NTM: variants seen among roughly 807,000 people sequenced by gnomAD.
NTM encodes the protein neurotrimin.
NTM carries 13 observed loss-of-function variants against 42.1 expected under a neutral mutation model. That is an observed-to-expected ratio of 0.31 (90% CI 0.20 to 0.49). The LOEUF (loss-of-function observed/expected upper bound fraction) is 0.49. Among genes scored for constraint, NTM ranks in the 20% least tolerant of loss-of-function variants. The probability of loss-of-function intolerance (pLI) is 0.99; values close to 1 mark genes in which losing one functional copy is unlikely to be tolerated. For synonymous variants in NTM, 187 were observed against 179.2 expected (o/e 1.04, Z -0.35); for missense variants, 373 against 452.8 (o/e 0.82, Z 1.60).
At chr11:131,792,638 C>T (rs2091090347) in intron 1 of NTM, among the ~76,000 whole-genome samples, 1 of 152,200 alleles carries the variant, frequency 6.6e-6, no homozygotes, top group Non-Finnish European at 1.5e-5. Flanking sequence ...TCATTGCTTC[C>T]TCCCTCTGTG....
At chr11:132,308,558 C>A in intron 5 of NTM, among the ~76,000 whole-genome samples, 1 of 152,068 alleles carries the variant, frequency 6.6e-6, no homozygotes. Context: ...TGGAGGTTTT[C>A]TCTGCTGTGC....
intron 1 of NTM, among the ~76,000 whole-genome samples, chr11:131,796,586 C>G (rs565812360): frequency 5.3e-5 from 8 of 152,268 alleles, no homozygotes; most frequent in African/African-American, 1.9e-4. Flanking sequence ...CAACAGGAAA[C>G]CAGTTGACAA....
intron 2 of NTM, among the ~76,000 whole-genome samples, chr11:131,934,119 G>A (rs7107547): frequency 0.12 from 18,109 of 152,034 alleles, 1,157 homozygotes; most frequent in East Asian, 0.22. Context: ...CCATGTGCAC[G>A]GGGTATACAA....
At chr11:132,087,852 A>G (rs2059919685) in intron 2 of NTM, among the ~76,000 whole-genome samples, 1 of 152,174 alleles carries the variant, frequency 6.6e-6, no homozygotes, top group Admixed American at 6.5e-5. Flanking sequence ...ATCAAGTTGG[A>G]TTAATTGACC....
chr11:131,679,828 A>T (rs2072112778), intron 1 of NTM, among the ~76,000 whole-genome samples: 1 of 152,086 alleles, frequency 6.6e-6, no homozygotes, highest in Non-Finnish European at 1.5e-5. Context: ...AGTCACCCTG[A>T]TGCAGGCTGA....
At chr11:131,655,796 A>C (rs951809306) in intron 1 of NTM, among the ~76,000 whole-genome samples, 27 of 152,270 alleles carry the variant, frequency 1.8e-4, no homozygotes, top group Non-Finnish European at 2.9e-5. Context: ...TGTGTGAGGC[A>C]ATGAAGGGAA....
At chr11:131,978,803 G>A (rs553767782) in intron 2 of NTM, among the ~76,000 whole-genome samples, 2 of 152,314 alleles carry the variant, frequency 1.3e-5, no homozygotes, top group South Asian at 2.1e-4. Flanking sequence ...GGCTGTGAGA[G>A]TAAAACTTCA....
At chr11:131,389,761 G>C (rs985761857) in intron 1 of NTM, among the ~76,000 whole-genome samples, 1 of 152,154 alleles carries the variant, frequency 6.6e-6, no homozygotes, top group Non-Finnish European at 1.5e-5. Flanking sequence ...AACTGGCTGC[G>C]TTACAAATAG....
At chr11:131,597,182 G>C (rs1188365677) in intron 1 of NTM, among the ~76,000 whole-genome samples, 1 of 152,128 alleles carries the variant, frequency 6.6e-6, no homozygotes, top group Non-Finnish European at 1.5e-5. Flanking sequence ...ATCCAATCAA[G>C]TTGACACTCA....
In NTM at chr11:132,314,620, A is replaced by G. The variant is rs1461495249; in HGVS notation, c.851A>G (p.Asn284Ser). ...TTCCTCTCAAAACTCATCTTCTTCAATGTCTCTGAACATGACTATGGGAAC... is the reference window on the plus strand; with the variant it reads ...TTCCTCTCAAAACTCATCTTCTTCAGTGTCTCTGAACATGACTATGGGAAC... ...RPFLSKLIFF[N>S]VSEHDYGNYT... Residue 284 changes from asparagine (N) to serine (S), a missense_variant, in exon 7 of 9, where the codon AAT becomes AGT. Around this residue, in one of 3 missense-constraint regions of NTM, gnomAD observed 312 missense variants for 353.5 expected, o/e 0.88. Coordinates refer to ENST00000683400, the MANE Select transcript of NTM (RefSeq NM_001352005.2). 3.1e-6 allele frequency: 5 copies of G among 1,613,982 alleles called. No homozygotes were observed. The Admixed American group carries it at 5.0e-5, about 16-fold the overall frequency.
chr11:131,694,702 C>A (rs931747265), intron 1 of NTM, among the ~76,000 whole-genome samples: 4 of 152,102 alleles, frequency 2.6e-5, no homozygotes, highest in Non-Finnish European at 5.9e-5. Context: ...CGAGACTGGA[C>A]GTGTGGACAG....
chr11:131,709,023 T>A (rs185360999), intron 1 of NTM, among the ~76,000 whole-genome samples: 1 of 152,066 alleles, frequency 6.6e-6, no homozygotes, highest in Admixed American at 6.6e-5. Flanking sequence ...GCAAGTTCTG[T>A]GGGGAGAGAA....
intron 2 of NTM, among the ~76,000 whole-genome samples, chr11:131,957,092 G>T (rs1282295647): frequency 1.3e-5 from 2 of 152,102 alleles, no homozygotes; most frequent in African/African-American, 2.4e-5. Context: ...GACCTCCAAG[G>T]TCATGTAAAC....
rs779999734 is a variant in NTM, at chr11:131,904,723, G to A, written c.83-6841G>A. Among the ~76,000 whole-genome samples the A allele has an allele frequency of 1.6e-4, 25 of 152,160 alleles. 1 individual carries two copies. The highest frequency in any genetic ancestry group is 4.4e-5 in the Non-Finnish European group (3 of 68,028). On this transcript the variant is annotated intron_variant, in intron 1 of 8. Coordinates refer to ENST00000683400, the MANE Select transcript of NTM (RefSeq NM_001352005.2). ...GTCCTGTCTTTTTGTCAGGTGGATT[G>A]GCTACTTTTCTGTTGTACTTTCAAA...
At chr11:131,612,706 T>G (rs1166090831) in intron 1 of NTM, among the ~76,000 whole-genome samples, 1 of 152,244 alleles carries the variant, frequency 6.6e-6, no homozygotes. Flanking sequence ...AGCGTGCTAG[T>G]GGAAGGCTTC....
intron 1 of NTM, among the ~76,000 whole-genome samples, chr11:131,767,438 G>A (rs185996680): frequency 4.6e-5 from 7 of 152,250 alleles, no homozygotes; most frequent in Admixed American, 1.3e-4. Context: ...CTACATATTT[G>A]TGTCTCCCCC....
intron 2 of NTM, among the ~76,000 whole-genome samples, chr11:131,913,400 G>T (rs1592801257): frequency 6.6e-6 from 1 of 152,004 alleles, no homozygotes; most frequent in African/African-American, 2.4e-5. Flanking sequence ...ACAGGAAGTG[G>T]GTCCTGGCAG....
chr11:132,024,115 G>C (rs2074817111), intron 2 of NTM, among the ~76,000 whole-genome samples: 1 of 151,702 alleles, frequency 6.6e-6, no homozygotes, highest in South Asian at 2.1e-4. Flanking sequence ...ACTGCACCCA[G>C]CATTTTTTTT....
chr11:131,638,226 TTTTAAA>T (rs1386628823), intron 1 of NTM, among the ~76,000 whole-genome samples: 1 of 152,174 alleles, frequency 6.6e-6, no homozygotes, highest in African/African-American at 2.4e-5. Context: ...ATAGACAGTT[TTTTAAA>T]TTTAAGTTTA....
Sources: allele counts gnomAD v4.1 joint callset (sites outside exome capture counted in the v4.1 genomes callset), GRCh38; gene constraint gnomAD v4.1.1; regional missense constraint gnomAD v4.1.1; transcripts MANE v1.5; gene names NCBI Gene and HGNC (gene_info 2026-07-23, HGNC 2026-07-21).